Variants in NEMP2 observed in about 807,000 individuals in gnomAD.
The protein encoded by NEMP2 is UPF0571 transmembrane protein.
NEMP2 carries 53 observed loss-of-function variants against 54.2 expected under a neutral mutation model. The ratio of observed to expected loss-of-function variants is 0.98; its 90% CI spans 0.78 to 1.23. The LOEUF is 1.23. NEMP2 is among the 50% of genes most tolerant of loss of function. The pLI, the probability that NEMP2 is intolerant of heterozygous loss-of-function variation, is 0.00. For synonymous variants in NEMP2, 197 were observed against 190.3 expected, an observed-to-expected ratio of 1.04 and a Z score of -0.29; for missense variants, 455 against 511.3, an observed-to-expected ratio of 0.89 and a Z score of 1.06.
chr2:190,440,370 A>T, the NEMP2 span, among the ~76,000 whole-genome samples: 1 of 152,214 alleles, frequency 6.6e-6, no homozygotes, highest in Non-Finnish European at 1.5e-5. Flanking sequence ...CCTTCTCTGG[A>T]AGGTGACTTT....
chr2:190,580,815 A>G, the NEMP2 span, among the ~76,000 whole-genome samples: 19 of 152,320 alleles, frequency 1.2e-4, no homozygotes, highest in East Asian at 2.7e-3. This position sits in a 1 kb window ranked among gnomAD's most constrained non-coding sequence, Gnocchi z 5.3. Flanking sequence ...GGATTGTAAG[A>G]AGGGTCTCCA....
At chr2:190,532,429 T>A (rs899696782) in intron 1 of NEMP2, among the ~76,000 whole-genome samples, 1 of 152,216 alleles carries the variant, frequency 6.6e-6, no homozygotes, top group African/African-American at 2.4e-5. Flanking sequence ...AGTTTAAGCC[T>A]GGAAAGCCAC....
chr2:190,462,260 C>G, the NEMP2 span, among the ~76,000 whole-genome samples: 1 of 152,082 alleles, frequency 6.6e-6, no homozygotes, highest in Admixed American at 6.6e-5. This position sits in a 1 kb window ranked among gnomAD's most constrained non-coding sequence, Gnocchi z 5.7. Flanking sequence ...TCATGGTTCT[C>G]AACAGGAGCC....
chr2:190,461,387 A>G, the NEMP2 span, among the ~76,000 whole-genome samples: 1 of 152,236 alleles, frequency 6.6e-6, no homozygotes, highest in Non-Finnish European at 1.5e-5. The surrounding 1 kb of genome is among the most constrained non-coding windows in gnomAD (Gnocchi z 5.5). Context: ...ACTATCCATT[A>G]TATGAGGTTC....
the NEMP2 span, chr2:190,463,949 G>A: frequency 2.1e-6 from 2 of 931,644 alleles, no homozygotes; most frequent in East Asian, 2.3e-4. This position sits in a 1 kb window ranked among gnomAD's most constrained non-coding sequence, Gnocchi z 4.4. Flanking sequence ...ACTGTAGACT[G>A]TGCTCCAGGG....
At chr2:190,549,465 A>G in the NEMP2 span, among the ~76,000 whole-genome samples, 1 of 152,204 alleles carries the variant, frequency 6.6e-6, no homozygotes, top group Non-Finnish European at 1.5e-5. Context: ...AAGGCAGGAT[A>G]AGTGATTGGT....
At chr2:190,431,622 G>A in the NEMP2 span, among the ~76,000 whole-genome samples, 1 of 152,192 alleles carries the variant, frequency 6.6e-6, no homozygotes, top group Non-Finnish European at 1.5e-5. This position sits in a 1 kb window ranked among gnomAD's most constrained non-coding sequence, Gnocchi z 4.4. Context: ...GGGGAATCAG[G>A]CAGGGAGGTT....
chr2:190,590,249 C>G, the NEMP2 span, among the ~76,000 whole-genome samples: 1 of 152,228 alleles, frequency 6.6e-6, no homozygotes, highest in Non-Finnish European at 1.5e-5. This position sits in a 1 kb window ranked among gnomAD's most constrained non-coding sequence, Gnocchi z 5.1. Context: ...TGGGACCTCA[C>G]TGCTGTGGAC....
At chr2:190,439,079 G>A in the NEMP2 span, among the ~76,000 whole-genome samples, 1 of 151,960 alleles carries the variant, frequency 6.6e-6, no homozygotes, top group South Asian at 2.1e-4. The surrounding 1 kb of genome is among the most constrained non-coding windows in gnomAD (Gnocchi z 5.8). Context: ...TTAAGGACTC[G>A]GAATGCCCTT....
the NEMP2 span, among the ~76,000 whole-genome samples, chr2:190,635,178 G>A: frequency 6.6e-6 from 1 of 152,158 alleles, no homozygotes; most frequent in Non-Finnish European, 1.5e-5. This position sits in a 1 kb window ranked among gnomAD's most constrained non-coding sequence, Gnocchi z 4.1. Context: ...GCATTTGCAA[G>A]TTTTTAACCT....
chr2:190,604,441 C>T, the NEMP2 span, among the ~76,000 whole-genome samples: 3 of 152,348 alleles, frequency 2.0e-5, no homozygotes, highest in East Asian at 5.8e-4. The surrounding 1 kb of genome is among the most constrained non-coding windows in gnomAD (Gnocchi z 4.5). Flanking sequence ...GGCTTCCTCA[C>T]CTTTAACCCA....
At chr2:190,605,075 G>A in the NEMP2 span, among the ~76,000 whole-genome samples, 4,523 of 152,098 alleles carry the variant, frequency 0.03, 171 homozygotes, top group African/African-American at 0.088. Flanking sequence ...TACAGTGCAC[G>A]TCTACCCCTG....
chr2:190,437,063 G>C, the NEMP2 span: 1 of 1,614,212 alleles, frequency 6.2e-7, no homozygotes, highest in East Asian at 2.2e-5. The surrounding 1 kb of genome is among the most constrained non-coding windows in gnomAD (Gnocchi z 5.9). Flanking sequence ...GTGGGCATCG[G>C]GATCGACTAC....
the NEMP2 span, among the ~76,000 whole-genome samples, chr2:190,449,545 A>G: frequency 2.6e-4 from 39 of 152,308 alleles, 1 homozygote; most frequent in South Asian, 7.9e-3. Flanking sequence ...TGCTATAAAG[A>G]CACATGCACA....
At chr2:190,469,666 T>G in the NEMP2 span, 1 of 660,226 alleles carries the variant, frequency 1.5e-6, no homozygotes, top group Non-Finnish European at 2.2e-6. This position sits in a 1 kb window ranked among gnomAD's most constrained non-coding sequence, Gnocchi z 5.3. Context: ...AATATTTGCA[T>G]GTTTTGTACA....
At chr2:190,600,337 G>A in the NEMP2 span, among the ~76,000 whole-genome samples, 17 of 152,318 alleles carry the variant, frequency 1.1e-4, no homozygotes, top group South Asian at 2.1e-4. This position sits in a 1 kb window ranked among gnomAD's most constrained non-coding sequence, Gnocchi z 4.9. Context: ...AGGGTTATCA[G>A]TGTTAGTCTT....
the NEMP2 span, among the ~76,000 whole-genome samples, chr2:190,463,131 T>G: frequency 6.6e-6 from 1 of 152,100 alleles, no homozygotes; most frequent in Non-Finnish European, 1.5e-5. This position sits in a 1 kb window ranked among gnomAD's most constrained non-coding sequence, Gnocchi z 4.4. Flanking sequence ...GACACAGAAA[T>G]CCTGGCAAGA....
the NEMP2 span, among the ~76,000 whole-genome samples, chr2:190,547,491 C>A: frequency 6.6e-6 from 1 of 152,148 alleles, no homozygotes; most frequent in Non-Finnish European, 1.5e-5. This position sits in a 1 kb window ranked among gnomAD's most constrained non-coding sequence, Gnocchi z 6.2. Flanking sequence ...TATTTTAAAT[C>A]ATTCAATTTC....
At chr2:190,463,620 T>C in the NEMP2 span, among the ~76,000 whole-genome samples, 1 of 152,230 alleles carries the variant, frequency 6.6e-6, no homozygotes, top group African/African-American at 2.4e-5. The surrounding 1 kb of genome is among the most constrained non-coding windows in gnomAD (Gnocchi z 4.4). Context: ...CAGGAGTTCA[T>C]GACCAGCCTG....
Sources: allele counts gnomAD v4.1 joint callset (sites outside exome capture counted in the v4.1 genomes callset), GRCh38; gene constraint gnomAD v4.1.1; non-coding constraint Gnocchi (gnomAD v3.1); transcripts MANE v1.5; gene names NCBI Gene and HGNC (gene_info 2026-07-23, HGNC 2026-07-21).